The following RBX1 variants were observed in gnomAD, a reference collection of about 807,000 sequenced individuals.
The protein encoded by RBX1 is ring-box 1.
For missense variants in RBX1, 46 were observed against 141.4 expected (o/e 0.33, Z 3.42); for synonymous variants, 48 against 47.9 (o/e 1.00, Z -0.01).
At chr22:40,951,903 G>T (rs1482598235) in intron 1 of RBX1, among the ~76,000 whole-genome samples, 1 of 152,150 alleles carries the variant, frequency 6.6e-6, no homozygotes, top group African/African-American at 2.4e-5. Context: ...TACCGCATTA[G>T]AGGCCTCTGA....
chr22:40,953,675 C>A, intron 2 of RBX1, 42 bp downstream of exon 2: 1 of 1,387,762 alleles, frequency 7.2e-7, no homozygotes, highest in Non-Finnish European at 1.0e-6. Flanking sequence ...GAGAAGGTTG[C>A]AGAGATTGTG....
intron 2 of RBX1, among the ~76,000 whole-genome samples, chr22:40,954,262 C>CAAA (rs1414885872): frequency 8.0e-6 from 1 of 125,000 alleles, no homozygotes; most frequent in Non-Finnish European, 1.8e-5. Context: ...CAGCAAGACT[C>CAAA]AAAGTCTCAA....
At chr22:40,953,491 G>A (rs985415501) in intron 1 of RBX1, 64 bp from the exon 2 acceptor site, 2 of 1,082,296 alleles carry the variant, frequency 1.8e-6, no homozygotes, top group Non-Finnish European at 2.9e-6. Context: ...GCAGCCTGAG[G>A]TCCTAAAGAG....
chr22:40,963,140 A>G (rs1442959630), intron 2 of RBX1, among the ~76,000 whole-genome samples: 1 of 151,726 alleles, frequency 6.6e-6, no homozygotes, highest in African/African-American at 2.4e-5. Context: ...ACGCCCAGCC[A>G]TAGTTTTACT....
chr22:40,952,125 C>T (rs2058312811), intron 1 of RBX1, among the ~76,000 whole-genome samples: 1 of 152,142 alleles, frequency 6.6e-6, no homozygotes, highest in African/African-American at 2.4e-5. Flanking sequence ...CCAGAATCTC[C>T]CCCTTCCAAA....
intron 1 of RBX1, among the ~76,000 whole-genome samples, 178 bp downstream of exon 1, chr22:40,951,654 A>G (rs774914093): frequency 6.6e-6 from 1 of 152,048 alleles, no homozygotes; most frequent in Non-Finnish European, 1.5e-5. Flanking sequence ...ACGGCGGCCC[A>G]CTGTTGGGGG....
At chr22:40,967,636 C>A in intron 3 of RBX1, 163 bp from the exon 4 acceptor site, 1 of 557,110 alleles carries the variant, frequency 1.8e-6, no homozygotes, top group South Asian at 2.3e-5. Flanking sequence ...ACCCTTGCAT[C>A]TAACCAAGAT....
At chr22:40,960,475 G>C (rs1020555612) in intron 2 of RBX1, among the ~76,000 whole-genome samples, 3 of 152,156 alleles carry the variant, frequency 2.0e-5, no homozygotes, top group Non-Finnish European at 1.5e-5. Context: ...GGACTCTACC[G>C]TGAAGGGAGC....
At chr22:40,956,896 G>A (rs2058327068) in intron 2 of RBX1, among the ~76,000 whole-genome samples, 1 of 151,804 alleles carries the variant, frequency 6.6e-6, no homozygotes, top group Non-Finnish European at 1.5e-5. Context: ...TTAGCTGGGT[G>A]CGATGGCGGG....
At chr22:40,971,229 C>T (rs2058368282) in intron 4 of RBX1, among the ~76,000 whole-genome samples, 1 of 152,156 alleles carries the variant, frequency 6.6e-6, no homozygotes, top group African/African-American at 2.4e-5. Context: ...TGGTGACTTT[C>T]CCAGGTGGTA....
intron 3 of RBX1, among the ~76,000 whole-genome samples, chr22:40,965,986 C>T (rs945763816): frequency 6.6e-6 from 1 of 152,080 alleles, no homozygotes; most frequent in African/African-American, 2.4e-5. Context: ...GAGAGCCTGC[C>T]GTAGAAGAGA....
At chr22:40,961,714 A>T (rs1222314418) in intron 2 of RBX1, among the ~76,000 whole-genome samples, 1 of 151,518 alleles carries the variant, frequency 6.6e-6, no homozygotes. Flanking sequence ...CCAATTCTTT[A>T]TTTTTATCAG....
At chr22:40,962,126 G>A (rs1035133323) in intron 2 of RBX1, among the ~76,000 whole-genome samples, 1 of 151,866 alleles carries the variant, frequency 6.6e-6, no homozygotes, top group South Asian at 2.1e-4. Context: ...TTGAGACAGA[G>A]TCTTGCTCTT....
chr22:40,953,029 C>T (rs891680698), intron 1 of RBX1, among the ~76,000 whole-genome samples: 2 of 120,944 alleles, frequency 1.7e-5, no homozygotes, highest in Non-Finnish European at 3.2e-5. Context: ...CTCACTCTGT[C>T]GCCCAGGCTG....
chr22:40,963,782 G>A (rs2413631), intron 2 of RBX1, among the ~76,000 whole-genome samples: 30,281 of 152,132 alleles, frequency 0.2, 4,178 homozygotes, highest in Admixed American at 0.42. Context: ...GGAAGTCAAG[G>A]CTGCAGTGAG....
chr22:40,959,633 A>G (rs183434194), intron 2 of RBX1, among the ~76,000 whole-genome samples: 1 of 152,254 alleles, frequency 6.6e-6, no homozygotes, highest in East Asian at 1.9e-4. Flanking sequence ...CAACGTGGGG[A>G]AACCCCATCT....
Position 40,959,287 on chromosome 22 carries a change from C to A in RBX1, c.158-4760C>A, listed in dbSNP as rs558799619. Among the ~76,000 whole-genome samples the A allele has an allele frequency of 2.6e-5, 4 of 152,330 alleles. No individual in the cohort carries two copies. In the South Asian group the frequency reaches 8.3e-4, roughly 32 times the overall value. ...GGTGTGACATGAACCCGTTATGTGCCACTGTCAACCTGTTCTGGGTTGACA... is the reference window on the plus strand; with the variant it reads ...GGTGTGACATGAACCCGTTATGTGCAACTGTCAACCTGTTCTGGGTTGACA... On this transcript the variant is annotated intron_variant, in intron 2 of 4. Transcript: ENST00000216225.
chr22:40,964,178 T>C lies in RBX1; in HGVS notation c.228+61T>C, dbSNP rs930993499. Reference sequence around the variant, plus strand: ...AAACATATTTCCACTTTTCCTGCTTTGCTAGTCTTGAAAATAACTAGGGAA... The same window carrying C: ...AAACATATTTCCACTTTTCCTGCTTCGCTAGTCTTGAAAATAACTAGGGAA... On this transcript the variant is annotated intron_variant, in intron 3 of 4. Coordinates refer to ENST00000216225, the MANE Select transcript of RBX1 (RefSeq NM_014248.4). 8 of 1,319,604 alleles carry C rather than the reference T, an allele frequency of 6.1e-6. No homozygotes were observed. The South Asian group carries it at 8.4e-5, about 14-fold the overall frequency. 81.7% of individuals were successfully genotyped at this position (1,319,604 alleles called of 1,614,324 possible). A position where few individuals can be genotyped will look rare whatever the true frequency, so the allele number is the denominator to read the frequency against.
At chr22:40,955,360 A>G (rs989252842) in intron 2 of RBX1, among the ~76,000 whole-genome samples, 4 of 151,822 alleles carry the variant, frequency 2.6e-5, no homozygotes, top group Non-Finnish European at 5.9e-5. Flanking sequence ...TGGCCTTCCA[A>G]AATGTTGCGA....
Sources: allele counts gnomAD v4.1 joint callset (sites outside exome capture counted in the v4.1 genomes callset), GRCh38; gene constraint gnomAD v4.1.1; transcripts MANE v1.5; gene names NCBI Gene and HGNC (gene_info 2026-07-23, HGNC 2026-07-21).